SGCZ: variants seen among roughly 807,000 people sequenced by gnomAD.
SGCZ encodes the protein zeta-sarcoglycan.
Under a neutral mutation model 41.3 loss-of-function variants are expected in SGCZ, and 40 were observed. That is an observed-to-expected ratio of 0.97 (90% CI 0.75 to 1.26). SGCZ has a LOEUF of 1.26. Among genes scored for constraint, SGCZ ranks in the 50% most tolerant of loss-of-function variants. The pLI, the probability that SGCZ is intolerant of heterozygous loss-of-function variation, is 0.00. For missense variants in SGCZ, 552 were observed against 369.8 expected (o/e 1.49, Z -4.04); for synonymous variants, 206 against 137.5 (o/e 1.50, Z -3.49).
intron 1 of SGCZ, among the ~76,000 whole-genome samples, chr8:14,651,611 A>G (rs1396695354): frequency 1.3e-5 from 2 of 152,044 alleles, no homozygotes; most frequent in African/African-American, 4.8e-5. Flanking sequence ...ATTTTCAATA[A>G]ATTAACACAA....
chr8:15,230,940 A>G (rs1801920182), intron 1 of SGCZ, among the ~76,000 whole-genome samples: 1 of 152,238 alleles, frequency 6.6e-6, no homozygotes, highest in Non-Finnish European at 1.5e-5. Context: ...GACATCCCCA[A>G]GGTGCCACTA....
intron 1 of SGCZ, among the ~76,000 whole-genome samples, chr8:14,844,422 T>C (rs775948661): frequency 1.3e-5 from 2 of 152,222 alleles, no homozygotes; most frequent in Non-Finnish European, 2.9e-5. Flanking sequence ...TGTACTTGTG[T>C]TACAACTATG....
chr8:14,651,743 A>T (rs996350918), intron 1 of SGCZ, among the ~76,000 whole-genome samples: 1 of 152,040 alleles, frequency 6.6e-6, no homozygotes, highest in African/African-American at 2.4e-5. Flanking sequence ...TCCTTGCTGT[A>T]GAACTTCAAA....
intron 1 of SGCZ, among the ~76,000 whole-genome samples, chr8:14,581,785 T>A (rs1804897917): frequency 6.6e-6 from 1 of 152,024 alleles, no homozygotes; most frequent in African/African-American, 2.4e-5. Flanking sequence ...CAAATGAAAT[T>A]AGTGAACAAA....
rs190899317 is a variant in SGCZ, at chr8:14,856,884, A to G, written c.40-301958T>C. Among the ~76,000 whole-genome samples the G allele has an allele frequency of 5.0e-3, 763 of 152,224 alleles. 10 individuals carry two copies. The highest frequency in any genetic ancestry group is 7.8e-3 in the Non-Finnish European group (532 of 68,014). ...CATTCAGAAATGCACACCCATACAC[A>G]TATCTAAGACTGAGTCAACAGTCAG... On this transcript the variant is annotated intron_variant, in intron 1 of 7. Coordinates refer to ENST00000382080, the MANE Select transcript of SGCZ (RefSeq NM_139167.4).
chr8:14,167,399 A>G (rs1314231723), intron 4 of SGCZ, among the ~76,000 whole-genome samples: 1 of 152,108 alleles, frequency 6.6e-6, no homozygotes, highest in Non-Finnish European at 1.5e-5. Flanking sequence ...AGGAGCTCTG[A>G]TTCCTTAACA....
At chr8:15,126,798 T>C (rs1425999267) in intron 1 of SGCZ, among the ~76,000 whole-genome samples, 1 of 151,642 alleles carries the variant, frequency 6.6e-6, no homozygotes, top group Non-Finnish European at 1.5e-5. Context: ...ATTGGGCACA[T>C]GGGGGAGAAA....
intron 2 of SGCZ, among the ~76,000 whole-genome samples, chr8:14,506,665 C>G (rs570095105): frequency 6.8e-4 from 104 of 152,236 alleles, no homozygotes; most frequent in Non-Finnish European, 1.1e-3. Context: ...CAGGCTTTGC[C>G]TGCCCTTCCC....
intron 2 of SGCZ, chr8:14,332,468 A>T (rs961992719): frequency 1.3e-5 from 2 of 151,996 alleles, no homozygotes; most frequent in African/African-American, 4.8e-5. Flanking sequence ...TAAAATAAAA[A>T]ATAAAAATAT....
At chr8:14,239,912 A>C (rs1180229704) in intron 3 of SGCZ, among the ~76,000 whole-genome samples, 449 of 6,978 alleles carry the variant, frequency 0.064, 23 homozygotes, top group South Asian at 0.15. Context: ...AAAAAAAAAA[A>C]AAAAAAAAAA....
chr8:14,181,615 T>A (rs946610778), intron 4 of SGCZ, among the ~76,000 whole-genome samples: 1 of 152,172 alleles, frequency 6.6e-6, no homozygotes, highest in Non-Finnish European at 1.5e-5. Flanking sequence ...ATGGGGGTGG[T>A]TCCCCAATAC....
In SGCZ at chr8:14,337,524, T is replaced by C. The variant is rs77496936; in HGVS notation, c.235-13320A>G. 1.0e-2 allele frequency among the ~76,000 whole-genome samples: 1,516 copies of C among 152,232 alleles called. 27 individuals carry two copies. The highest frequency in any genetic ancestry group is 0.035 in the African/African-American group (1,444 of 41,558). On this transcript the variant is annotated intron_variant, in intron 2 of 7. Transcript: ENST00000382080. ...AGACGATTCTAACTTGTTACTAGAA[T>C]GACTCCCGGAAGTATGGGAAAAGTG...
At chr8:14,267,902 G>A (rs1799929180) in intron 3 of SGCZ, among the ~76,000 whole-genome samples, 1 of 151,696 alleles carries the variant, frequency 6.6e-6, no homozygotes, top group South Asian at 2.1e-4. Flanking sequence ...TTTACATTTA[G>A]GTTCTTTCTG....
At chr8:14,115,058 A>G (rs1802482864) in intron 5 of SGCZ, among the ~76,000 whole-genome samples, 1 of 152,020 alleles carries the variant, frequency 6.6e-6, no homozygotes, top group African/African-American at 2.4e-5. Context: ...AAAAATGAAA[A>G]AATTACAGTG....
intron 1 of SGCZ, among the ~76,000 whole-genome samples, chr8:14,714,930 G>A (rs1041505868): frequency 2.6e-5 from 4 of 152,086 alleles, no homozygotes; most frequent in East Asian, 1.9e-4. Flanking sequence ...TTTTAGAGAA[G>A]TGACAGACAG....
At chr8:14,164,475 C>A in intron 5 of SGCZ, 105 bp downstream of exon 5, 1 of 1,370,386 alleles carries the variant, frequency 7.3e-7, no homozygotes, top group Non-Finnish European at 1.0e-6. Context: ...TTATGTAAGA[C>A]TCTACTTTAG....
intron 2 of SGCZ, among the ~76,000 whole-genome samples, chr8:14,509,972 A>G (rs1394407568): frequency 2.0e-5 from 3 of 152,138 alleles, no homozygotes; most frequent in African/African-American, 7.2e-5. Flanking sequence ...GGTGAGGACT[A>G]TGGGTCCCTA....
intron 1 of SGCZ, among the ~76,000 whole-genome samples, chr8:14,767,810 A>G (rs1800090831): frequency 6.6e-6 from 1 of 152,172 alleles, no homozygotes; most frequent in South Asian, 2.1e-4. Context: ...AAACCACTAA[A>G]GACTTCTTAA....
chr8:14,958,546 A>C (rs1458814410), intron 1 of SGCZ, among the ~76,000 whole-genome samples: 1 of 152,038 alleles, frequency 6.6e-6, no homozygotes, highest in Non-Finnish European at 1.5e-5. Context: ...TGGTGAAAAA[A>C]ATGAGAAGTG....
Sources: gnomAD v4.1 joint callset for allele counts (sites outside exome capture counted in the v4.1 genomes callset) on GRCh38, gnomAD v4.1.1 for gene constraint, MANE v1.5 for transcripts, NCBI Gene and HGNC (gene_info 2026-07-23, HGNC 2026-07-21) for gene names.